CLVS1: variants seen among roughly 807,000 people sequenced by gnomAD.
CLVS1 encodes the protein clavesin-1.
A neutral mutation model predicts 33.1 loss-of-function variants in CLVS1; 10 were observed. The ratio of observed to expected loss-of-function variants is 0.30; its 90% CI spans 0.19 to 0.51. The LOEUF (loss-of-function observed/expected upper bound fraction) is 0.51. Ranked by LOEUF, CLVS1 falls within the 20% of genes least tolerant of loss-of-function variation. The pLI is 0.97. For missense variants in CLVS1, 343 were observed against 433.4 expected, an observed-to-expected ratio of 0.79 and a Z score of 1.85; for synonymous variants, 163 against 166.1, an observed-to-expected ratio of 0.98 and a Z score of 0.14.
At chr8:61,488,143 A>T (rs1174058211) in intron 5 of CLVS1, among the ~76,000 whole-genome samples, 1 of 152,210 alleles carries the variant, frequency 6.6e-6, no homozygotes, top group Non-Finnish European at 1.5e-5. Flanking sequence ...TATCCACGTG[A>T]TTGAAATGCA....
intron 5 of CLVS1, among the ~76,000 whole-genome samples, chr8:61,471,053 G>T (rs1817718911): frequency 6.6e-6 from 1 of 152,174 alleles, no homozygotes; most frequent in Admixed American, 6.5e-5. Flanking sequence ...GATCTTGCTG[G>T]CTTGTTTCAG....
intron 3 of CLVS1, among the ~76,000 whole-genome samples, chr8:61,419,691 G>C (rs1815580805): frequency 6.6e-6 from 1 of 152,192 alleles, no homozygotes; most frequent in Non-Finnish European, 1.5e-5. Flanking sequence ...GAAAGCAGCT[G>C]ACTCTAGGAG....
intron 2 of CLVS1, chr8:61,203,042 A>G: frequency 7.6e-7 from 1 of 1,314,068 alleles, no homozygotes; most frequent in Non-Finnish European, 1.1e-6. Flanking sequence ...CAGGAAAAAA[A>G]CTCCTAAAAC....
At chr8:61,130,890 T>C (rs1806081652) in intron 1 of CLVS1, among the ~76,000 whole-genome samples, 1 of 152,196 alleles carries the variant, frequency 6.6e-6, no homozygotes. Flanking sequence ...AGGCCTAAGA[T>C]AGTTCTAAAA....
At chr8:61,249,087 C>G (rs1403557610) in intron 2 of CLVS1, among the ~76,000 whole-genome samples, 1 of 152,104 alleles carries the variant, frequency 6.6e-6, no homozygotes, top group Admixed American at 6.6e-5. Context: ...CTGACAGGCC[C>G]CAGTGTGTGA....
chr8:61,157,279 A>C (rs959281798), intron 2 of CLVS1, among the ~76,000 whole-genome samples: 9 of 152,034 alleles, frequency 5.9e-5, no homozygotes, highest in African/African-American at 2.2e-4. Context: ...GATGCACTAA[A>C]ACGATTTACA....
At chr8:61,423,171 A>G (rs1303532516) in intron 3 of CLVS1, among the ~76,000 whole-genome samples, 1 of 152,082 alleles carries the variant, frequency 6.6e-6, no homozygotes, top group Non-Finnish European at 1.5e-5. Flanking sequence ...CTATTAGTCA[A>G]CTGCCCCCAC....
At chr8:61,103,526 A>C (rs1245517575) in intron 1 of CLVS1, among the ~76,000 whole-genome samples, 1 of 152,220 alleles carries the variant, frequency 6.6e-6, no homozygotes, top group African/African-American at 2.4e-5. Flanking sequence ...AAGAAAATTA[A>C]TCAGAAAAAG....
intron 1 of CLVS1, among the ~76,000 whole-genome samples, chr8:61,103,442 G>A (rs2129286859): frequency 6.6e-6 from 1 of 152,316 alleles, no homozygotes; most frequent in Non-Finnish European, 1.5e-5. Flanking sequence ...AAAAAGATGA[G>A]CATCTGAAAG....
intron 2 of CLVS1, among the ~76,000 whole-genome samples, chr8:61,207,969 C>T (rs1161881008): frequency 3.3e-5 from 5 of 152,196 alleles, no homozygotes; most frequent in Non-Finnish European, 7.3e-5. Context: ...CCATGGGATA[C>T]ACCCTGATTA....
intron 5 of CLVS1, among the ~76,000 whole-genome samples, chr8:61,476,652 C>T (rs900572877): frequency 6.6e-6 from 1 of 152,082 alleles, no homozygotes; most frequent in Non-Finnish European, 1.5e-5. Flanking sequence ...GACTTTGTAT[C>T]CTGAGACTTT....
intron 2 of CLVS1, among the ~76,000 whole-genome samples, chr8:61,144,466 G>T (rs964324227): frequency 2.0e-5 from 3 of 152,230 alleles, no homozygotes; most frequent in East Asian, 3.9e-4. Context: ...GGGCATTTGG[G>T]TTGGTTCCAA....
chr8:61,191,661 G>A (rs537044466), intron 2 of CLVS1, among the ~76,000 whole-genome samples: 65 of 138,246 alleles, frequency 4.7e-4, no homozygotes, highest in Admixed American at 2.6e-3. Context: ...TAAGCTGATA[G>A]GCAACTTTGG....
At chr8:61,450,706 A>C (rs758249463) in intron 3 of CLVS1, among the ~76,000 whole-genome samples, 1 of 152,196 alleles carries the variant, frequency 6.6e-6, no homozygotes, top group Non-Finnish European at 1.5e-5. Context: ...CAATGCATTA[A>C]GTGAGACATA....
intron 2 of CLVS1, among the ~76,000 whole-genome samples, chr8:61,260,033 C>G (rs186408111): frequency 5.6e-4 from 86 of 152,292 alleles, no homozygotes; most frequent in African/African-American, 1.7e-3. Context: ...ATGCATAACC[C>G]CCATATCTGA....
intron 1 of CLVS1, among the ~76,000 whole-genome samples, chr8:61,108,870 T>C (rs1163959026): frequency 6.6e-6 from 1 of 152,218 alleles, no homozygotes; most frequent in Non-Finnish European, 1.5e-5. Flanking sequence ...TCAGCCCTCA[T>C]GTTTAAGATT....
chr8:61,143,229 G>C (rs181682625), intron 2 of CLVS1, among the ~76,000 whole-genome samples: 1 of 152,176 alleles, frequency 6.6e-6, no homozygotes, highest in Admixed American at 6.5e-5. Flanking sequence ...GGCTAGACAG[G>C]TAGAGTCAAG....
the CLVS1 span, among the ~76,000 whole-genome samples, chr8:61,032,312 T>C: frequency 1.3e-5 from 2 of 152,300 alleles, no homozygotes; most frequent in South Asian, 4.1e-4. Context: ...GTGGTCTTCA[T>C]GATTGGAGCA....
chr8:61,416,814 G>A (rs758448238), intron 3 of CLVS1, among the ~76,000 whole-genome samples: 30 of 152,156 alleles, frequency 2.0e-4, no homozygotes, highest in Admixed American at 2.6e-4. Flanking sequence ...ATTATTTACC[G>A]TAATCTACCA....
Sources: allele counts gnomAD v4.1 joint callset (sites outside exome capture counted in the v4.1 genomes callset), GRCh38; gene constraint gnomAD v4.1.1; transcripts MANE v1.5; gene names NCBI Gene and HGNC (gene_info 2026-07-23, HGNC 2026-07-21).